The following NOL10 variants were observed in gnomAD, a reference collection of about 807,000 sequenced individuals.
NOL10 encodes the protein nucleolar protein 10.
In NOL10, 58 loss-of-function variants were observed where a neutral mutation model predicts 103.5. That is an observed-to-expected ratio of 0.56 (90% CI 0.45 to 0.70). The LOEUF is 0.70. Among genes scored for constraint, NOL10 ranks in the 30% least tolerant of loss-of-function variants. The pLI is 0.00. For missense variants in NOL10, 763 were observed against 807.3 expected, an observed-to-expected ratio of 0.95 and a Z score of 0.67; for synonymous variants, 287 against 282.5, an observed-to-expected ratio of 1.02 and a Z score of -0.16.
chr2:10,641,997 G>C (rs1313045012), intron 13 of NOL10, among the ~76,000 whole-genome samples: 1 of 152,198 alleles, frequency 6.6e-6, no homozygotes, highest in Non-Finnish European at 1.5e-5. Flanking sequence ...GGCATGGACA[G>C]GCACTTGCTG....
intron 14 of NOL10, among the ~76,000 whole-genome samples, chr2:10,606,114 C>A (rs1383021887): frequency 6.6e-6 from 1 of 152,042 alleles, no homozygotes; most frequent in Non-Finnish European, 1.5e-5. Context: ...GGCAAGCAGG[C>A]GCAACATGTC....
At chr2:10,628,400 AC>A (rs1677619061) in intron 13 of NOL10, among the ~76,000 whole-genome samples, 1 of 152,084 alleles carries the variant, frequency 6.6e-6, no homozygotes, top group Non-Finnish European at 1.5e-5. Flanking sequence ...CCTTTGATTT[AC>A]AGTTGACTGA....
chr2:10,687,996 C>T (rs1379355899), intron 1 of NOL10, among the ~76,000 whole-genome samples: 2 of 152,168 alleles, frequency 1.3e-5, no homozygotes, highest in Non-Finnish European at 2.9e-5. Flanking sequence ...CTTGATTCTT[C>T]TCCATGTCAG....
At chr2:10,610,740 C>T (rs180971379) in intron 13 of NOL10, among the ~76,000 whole-genome samples, 55 of 152,286 alleles carry the variant, frequency 3.6e-4, no homozygotes, top group Middle Eastern at 3.4e-3. Flanking sequence ...TGTAAAATGT[C>T]TTTATTGCCT....
chr2:10,664,751 G>T (rs1022872054), intron 8 of NOL10, among the ~76,000 whole-genome samples: 3 of 152,138 alleles, frequency 2.0e-5, no homozygotes, highest in African/African-American at 7.2e-5. Flanking sequence ...GCCCAGGCTG[G>T]TCTCGAACTC....
intron 13 of NOL10, among the ~76,000 whole-genome samples, chr2:10,610,100 A>G (rs1401605279): frequency 6.6e-6 from 1 of 152,340 alleles, no homozygotes; most frequent in African/African-American, 2.4e-5. Flanking sequence ...GCTACTGGGT[A>G]TATGAATACT....
intron 20 of NOL10, among the ~76,000 whole-genome samples, chr2:10,573,203 C>T (rs1298392314): frequency 6.6e-6 from 1 of 150,992 alleles, no homozygotes. Flanking sequence ...TCTGTATTTT[C>T]TTTTTTTTTG....
At chr2:10,604,978 C>CT (rs1676171728) in intron 14 of NOL10, 1 of 152,234 alleles carries the variant, frequency 6.6e-6, no homozygotes, top group Non-Finnish European at 1.5e-5. Flanking sequence ...ATTTCCCAAA[C>CT]TTATTTGCCA....
chr2:10,577,764 C>T lies in NOL10; in HGVS notation c.1845-26G>A, dbSNP rs142465541. ...CTATGGGAAATTCAAAAGAATGCCACATTAATCAAAATTATGTTTTAATTT... is the reference window on the plus strand; with the variant it reads ...CTATGGGAAATTCAAAAGAATGCCATATTAATCAAAATTATGTTTTAATTT... On this transcript the variant is annotated intron_variant, in intron 19 of 20. Coordinates refer to ENST00000381685, the MANE Select transcript of NOL10 (RefSeq NM_024894.4). 1,380 of 1,422,500 alleles carry T rather than the reference C, an allele frequency of 9.7e-4. 8 individuals are homozygous for T. The African/African-American group carries it at 0.017, about 17-fold the overall frequency. 88.1% of individuals were successfully genotyped at this position (1,422,500 alleles called of 1,614,324 possible). A position where few individuals can be genotyped will look rare whatever the true frequency, so the allele number is the denominator to read the frequency against.
At chr2:10,684,195 G>A (rs997614256) in intron 2 of NOL10, among the ~76,000 whole-genome samples, 1 of 151,452 alleles carries the variant, frequency 6.6e-6, no homozygotes. Context: ...AGAACTGCTT[G>A]AATCCAGGAG....
At chr2:10,646,709 G>T (rs1679093512) in intron 12 of NOL10, among the ~76,000 whole-genome samples, 1 of 152,232 alleles carries the variant, frequency 6.6e-6, no homozygotes, top group African/African-American at 2.4e-5. Flanking sequence ...TTCTCAGCAA[G>T]TTACCTCCCT....
Position 10,649,144 on chromosome 2 carries a change from C to T in NOL10, c.974-4772G>A, listed in dbSNP as rs139301289. ...TGCCACCCTGGGTGCAGGTGAGTGC[C>T]ACCATGTCTGCAGCTGGCTTTCGAG... is the stretch of plus-strand genomic sequence containing the variant. On this transcript the variant is annotated intron_variant, in intron 12 of 20. Transcript: ENST00000381685. Among the ~76,000 whole-genome samples, 496 of 152,124 alleles carry T rather than the reference C, an allele frequency of 3.3e-3. 5 individuals are homozygous for T. Among genetic ancestry groups the T allele is most frequent in the Middle Eastern group, 0.017 (5 of 294 alleles).
intron 5 of NOL10, 54 bp from the exon 6 acceptor site, chr2:10,671,744 T>G: frequency 1.5e-5 from 20 of 1,372,138 alleles, no homozygotes; most frequent in Non-Finnish European, 2.0e-5. Flanking sequence ...AGGTGTTTAC[T>G]TCATTATCGC....
intron 13 of NOL10, 120 bp from the exon 14 acceptor site, chr2:10,607,431 T>C (rs1676317549): frequency 1.9e-6 from 2 of 1,068,388 alleles, no homozygotes; most frequent in Non-Finnish European, 2.6e-6. Context: ...ATCAGAAGTA[T>C]TGACAAATGG....
intron 20 of NOL10, among the ~76,000 whole-genome samples, chr2:10,573,617 G>A (rs1674298273): frequency 6.7e-6 from 1 of 148,284 alleles, no homozygotes; most frequent in Non-Finnish European, 1.5e-5. Context: ...AGAGTTGCAA[G>A]TGAGAGAATA....
Position 10,587,156 on chromosome 2 carries a change from TAC to T in NOL10, c.1844+1885_1844+1886del, listed in dbSNP as rs1171572022. Among the ~76,000 whole-genome samples the T allele has an allele frequency of 9.9e-4, 32 of 32,312 alleles. 7 individuals carry two copies. Among genetic ancestry groups the T allele is most frequent in the African/African-American group, 3.5e-3 (22 of 6,324 alleles). 21.2% of individuals were successfully genotyped at this position (32,312 alleles called of 152,430 possible). A position where few individuals can be genotyped will look rare whatever the true frequency, so the allele number is the denominator to read the frequency against. On this transcript the variant is annotated intron_variant, in intron 19 of 20. Transcript: ENST00000381685. ...ATATATACACATATATATACATATA[TAC>T]ACATATATACACATATATATACACA...
Position 10,689,786 on chromosome 2 carries a change from A to C in NOL10, c.66+10T>G. On this transcript the variant is annotated intron_variant, in intron 1 of 20. Transcript: ENST00000381685. The stretch of plus-strand genomic sequence containing the variant: ...GAGCTCGAGAGTGAGGGGGCCGGGA[A>C]GTGACTCACCTCAGGAAGGGACTTG... 1 of 1,598,594 alleles carries C rather than the reference A, an allele frequency of 6.3e-7. No individual in the cohort carries two copies. The highest frequency in any genetic ancestry group is 8.5e-7 in the Non-Finnish European group (1 of 1,172,802).
chr2:10,672,373 A>G (rs888732645), intron 5 of NOL10, among the ~76,000 whole-genome samples: 1 of 152,136 alleles, frequency 6.6e-6, no homozygotes, highest in African/African-American at 2.4e-5. Context: ...CCATTATCAC[A>G]CAAGTTATGA....
chr2:10,661,951 A>T (rs1680236192), intron 9 of NOL10, among the ~76,000 whole-genome samples: 1 of 152,110 alleles, frequency 6.6e-6, no homozygotes, highest in East Asian at 1.9e-4. Flanking sequence ...GAATACACCC[A>T]GCCTTCTTCC....
Sources: gnomAD v4.1 joint callset for allele counts (sites outside exome capture counted in the v4.1 genomes callset) on GRCh38, gnomAD v4.1.1 for gene constraint, MANE v1.5 for transcripts, NCBI Gene and HGNC (gene_info 2026-07-23, HGNC 2026-07-21) for gene names.